SLC24A2: variants seen among roughly 807,000 people sequenced by gnomAD.
SLC24A2 encodes the protein solute carrier family 24 member 2.
In SLC24A2, 36 loss-of-function variants were observed where a neutral mutation model predicts 62.0. The ratio of observed to expected loss-of-function variants is 0.58; its 90% CI spans 0.44 to 0.77. The LOEUF is 0.77. SLC24A2 is among the 30% of genes least tolerant of loss of function. The pLI is 0.00. For synonymous variants in SLC24A2, 358 were observed against 294.0 expected (o/e 1.22, Z -2.23); for missense variants, 846 against 817.9 (o/e 1.03, Z -0.42).
chr9:20,128,078 T>G, the SLC24A2 span, among the ~76,000 whole-genome samples: 1 of 151,998 alleles, frequency 6.6e-6, no homozygotes, highest in Non-Finnish European at 1.5e-5. Context: ...TAAAATGAAA[T>G]CGTGTAATTT....
At chr9:20,003,857 A>G in the SLC24A2 span, among the ~76,000 whole-genome samples, 1 of 151,598 alleles carries the variant, frequency 6.6e-6, no homozygotes, top group East Asian at 2.0e-4. Flanking sequence ...TTAAATGGTG[A>G]TTATGAAGAC....
At chr9:19,520,088 G>T (rs1314377108) in intron 10 of SLC24A2, among the ~76,000 whole-genome samples, 2 of 152,160 alleles carry the variant, frequency 1.3e-5, no homozygotes, top group African/African-American at 4.8e-5. Flanking sequence ...TATGGTCATG[G>T]AAAGGTGGAA....
intron 2 of SLC24A2, among the ~76,000 whole-genome samples, chr9:19,735,055 C>T (rs1386871313): frequency 6.6e-6 from 1 of 151,936 alleles, no homozygotes; most frequent in Non-Finnish European, 1.5e-5. Flanking sequence ...AAAGAAACCA[C>T]CATCAGAGTG....
At chr9:19,721,507 C>T (rs887431353) in intron 2 of SLC24A2, among the ~76,000 whole-genome samples, 2 of 151,966 alleles carry the variant, frequency 1.3e-5, no homozygotes, top group Non-Finnish European at 2.9e-5. Context: ...GTCTTCTTTC[C>T]TTTTTCACAA....
chr9:20,018,638 A>C, the SLC24A2 span, among the ~76,000 whole-genome samples: 1 of 152,226 alleles, frequency 6.6e-6, no homozygotes, highest in East Asian at 1.9e-4. Flanking sequence ...AGTAAATTTC[A>C]GATAACAGTA....
chr9:19,720,059 G>A (rs1587214442), intron 2 of SLC24A2, among the ~76,000 whole-genome samples: 1 of 152,262 alleles, frequency 6.6e-6, no homozygotes, highest in Middle Eastern at 3.4e-3. Context: ...GAACTAGGCT[G>A]GAGGTAAACC....
At chr9:20,095,690 T>C in the SLC24A2 span, among the ~76,000 whole-genome samples, 211 of 152,162 alleles carry the variant, frequency 1.4e-3, 1 homozygote, top group African/African-American at 4.9e-3. Flanking sequence ...TTTTTATGTA[T>C]CTATCTATGG....
At chr9:19,582,981 C>T (rs1470618442) in intron 5 of SLC24A2, among the ~76,000 whole-genome samples, 2 of 152,086 alleles carry the variant, frequency 1.3e-5, no homozygotes, top group Admixed American at 1.3e-4. Flanking sequence ...TCTCCCCCTT[C>T]TACCCTCCCC....
At chr9:20,235,224 A>G in the SLC24A2 span, among the ~76,000 whole-genome samples, 1 of 152,198 alleles carries the variant, frequency 6.6e-6, no homozygotes, top group Non-Finnish European at 1.5e-5. Flanking sequence ...CCAGCTGCGT[A>G]CTGGGAGAAC....
At chr9:19,519,227 A>G (rs1056040007) in intron 10 of SLC24A2, among the ~76,000 whole-genome samples, 2 of 152,188 alleles carry the variant, frequency 1.3e-5, no homozygotes, top group Non-Finnish European at 2.9e-5. Context: ...AAGCCTTCCA[A>G]GTAGATAAAA....
intron 4 of SLC24A2, among the ~76,000 whole-genome samples, chr9:19,616,916 A>C (rs533587193): frequency 6.6e-6 from 1 of 152,246 alleles, no homozygotes; most frequent in South Asian, 2.1e-4. Context: ...GGGGAAAGGA[A>C]AATATTATAG....
the SLC24A2 span, among the ~76,000 whole-genome samples, chr9:20,178,393 G>C: frequency 1.3e-5 from 2 of 152,116 alleles, no homozygotes; most frequent in Non-Finnish European, 1.5e-5. Flanking sequence ...GAGAGCCAAG[G>C]CAGCTGAAGG....
At chr9:19,942,612 T>C in the SLC24A2 span, among the ~76,000 whole-genome samples, 33 of 152,316 alleles carry the variant, frequency 2.2e-4, no homozygotes, top group East Asian at 5.2e-3. Flanking sequence ...TAATTTAACC[T>C]AGCGAACACA....
At chr9:20,249,894 C>T in the SLC24A2 span, among the ~76,000 whole-genome samples, 1 of 152,146 alleles carries the variant, frequency 6.6e-6, no homozygotes, top group African/African-American at 2.4e-5. Context: ...CACATAGACT[C>T]ATCTGTATAG....
chr9:19,767,852 G>A (rs1226445107), intron 2 of SLC24A2, among the ~76,000 whole-genome samples: 2 of 152,158 alleles, frequency 1.3e-5, no homozygotes, highest in East Asian at 3.8e-4. Context: ...AAGAATACTT[G>A]AAACTGGGTG....
chr9:19,857,323 C>T, the SLC24A2 span, among the ~76,000 whole-genome samples: 1 of 152,152 alleles, frequency 6.6e-6, no homozygotes, highest in Non-Finnish European at 1.5e-5. Context: ...GTGGGCCTAG[C>T]AAGGTAATCT....
the SLC24A2 span, among the ~76,000 whole-genome samples, chr9:20,226,464 A>G: frequency 6.6e-6 from 1 of 152,122 alleles, no homozygotes; most frequent in Non-Finnish European, 1.5e-5. Flanking sequence ...TCAAAACCAC[A>G]TGCTAACCAG....
chr9:20,120,066 A>C, the SLC24A2 span, among the ~76,000 whole-genome samples: 63 of 152,138 alleles, frequency 4.1e-4, no homozygotes, highest in African/African-American at 1.5e-3. Context: ...ATTTTCCTTC[A>C]TTTGTTACCC....
At chr9:20,014,077 A>G in the SLC24A2 span, among the ~76,000 whole-genome samples, 110,262 of 151,916 alleles carry the variant, frequency 0.73, 40,169 homozygotes, top group Admixed American at 0.8. Flanking sequence ...GTGTGGTGGT[A>G]CATGCCTATA....
Sources: allele counts gnomAD v4.1 joint callset (sites outside exome capture counted in the v4.1 genomes callset), GRCh38; gene constraint gnomAD v4.1.1; transcripts MANE v1.5; gene names NCBI Gene and HGNC (gene_info 2026-07-23, HGNC 2026-07-21).